ETS2: variants seen among roughly 807,000 people sequenced by gnomAD.
ETS2 encodes protein C-ets-2.
Under a neutral mutation model 54.9 loss-of-function variants are expected in ETS2, and 19 were observed. The ratio of observed to expected loss-of-function variants is 0.35; its 90% CI spans 0.24 to 0.51. The LOEUF (loss-of-function observed/expected upper bound fraction) is 0.51. Among genes scored for constraint, ETS2 ranks in the 20% least tolerant of loss-of-function variants. The pLI is 0.97. For synonymous variants in ETS2, 219 were observed against 229.3 expected, an observed-to-expected ratio of 0.95 and a Z score of 0.41; for missense variants, 417 against 593.0, an observed-to-expected ratio of 0.70 and a Z score of 3.08.
chr21:38,819,535 G>A lies in ETS2; in HGVS notation c.844G>A (p.Gly282Ser), dbSNP rs750752505. ...TPKDHDSPEN[G>S]ADSFESSDSL... ...CAAAGACCACGACTCCCCTGAGAAC[G>A]GTGCGGACAGCTTCGAGAGCTCAGA... Residue 282 changes from glycine to serine, a missense_variant, in exon 8 of 10, where the codon GGT (glycine) becomes AGT (serine). By Grantham distance (56) the Gly-to-Ser change is moderately conservative. Transcript: ENST00000360938. 3.5e-5 allele frequency: 56 copies of A among 1,614,068 alleles called. No homozygotes were observed. Among genetic ancestry groups the A allele is most frequent in the Non-Finnish European group, 4.6e-5 (54 of 1,180,034 alleles).
chr21:38,814,971 A>T lies in ETS2; in HGVS notation c.495A>T (p.Gln165His). ...ACATTCTCTGGGAACATCTGGAGCA[A>T]ATGATCAAAGGTACCAGCTGAACGT... ...VGDILWEHLE[Q>H]MIKENQEKTE... The change falls in exon 5 of 10, where the codon CAA becomes CAT. Residue 165 changes from glutamine (Q) to histidine (H), a missense_variant. This residue lies in a region of ETS2 where 326 missense variants were observed against 426.1 expected (regional missense o/e 0.76). Transcript: ENST00000360938. The surrounding 1 kb of genome is among the most constrained non-coding windows in gnomAD (Gnocchi z 4.2). The T allele has an allele frequency of 6.2e-7, 1 of 1,614,074 alleles. No homozygotes were observed. The highest frequency in any genetic ancestry group is 8.5e-7 in the Non-Finnish European group (1 of 1,179,954).
intron 6 of ETS2, among the ~76,000 whole-genome samples, chr21:38,817,527 C>T (rs922334764): frequency 3.9e-5 from 6 of 152,210 alleles, no homozygotes; most frequent in Non-Finnish European, 5.9e-5. Flanking sequence ...CCAGGCAATT[C>T]TTAGAGCAAG....
rs1331422908 is a variant in ETS2 at position 38,822,675 on chromosome 21, T to C, written c.1196T>C (p.Val399Ala). 6.2e-7 allele frequency: 1 copy of C among 1,612,786 alleles called. No homozygotes were observed. The highest frequency in any genetic ancestry group is 1.3e-5 in the African/African-American group (1 of 74,888). Residue 399 changes from valine (V) to alanine (A), a missense_variant and splice_region_variant, in exon 10 of 10, where the codon GTG (valine) becomes GCG (alanine). Val to Ala is a moderately conservative substitution (Grantham distance 64). Coordinates refer to ENST00000360938, the MANE Select transcript of ETS2 (RefSeq NM_005239.6). The stretch of plus-strand genomic sequence containing the variant: ...CTTTTCCATCCATGTTCACCAAAGG[T>C]GGCCCGCCGGTGGGGAAAGAGGAAA... ...WEFKLADPDE[V>A]ARRWGKRKNK...
upstream of ETS2, chr21:38,805,781 C>A: frequency 1.2e-6 from 1 of 819,330 alleles, no homozygotes; most frequent in Non-Finnish European, 1.6e-6. The surrounding 1 kb of genome is among the most constrained non-coding windows in gnomAD (Gnocchi z 5.2). Context: ...CTCCCTTCCC[C>A]TCCTCTTCTC....
chr21:38,806,910 G>C lies in ETS2; in HGVS notation c.-1+790G>C. On this transcript the variant is annotated intron_variant, in intron 1 of 9. Coordinates refer to ENST00000360938, the MANE Select transcript of ETS2 (RefSeq NM_005239.6). The surrounding 1 kb of genome is among the most constrained non-coding windows in gnomAD (Gnocchi z 4.3). ...TTATGTTAGCCTGTACACAATTTCA[G>C]GGTAGCCTAAAACAGTAGTTGACGC... 1.1e-6 allele frequency: 1 copy of C among 905,940 alleles called. No individual in the cohort carries two copies. The highest frequency in any genetic ancestry group is 1.3e-6 in the Non-Finnish European group (1 of 757,458). 56.1% of individuals were successfully genotyped at this position (905,940 alleles called of 1,614,324 possible). A position where few individuals can be genotyped will look rare whatever the true frequency, so the allele number is the denominator to read the frequency against.
At chr21:38,810,297 T>C (rs1429675688) in intron 2 of ETS2, among the ~76,000 whole-genome samples, 191 bp downstream of exon 2, 1 of 152,222 alleles carries the variant, frequency 6.6e-6, no homozygotes, top group Non-Finnish European at 1.5e-5. Context: ...GGTATCTTGA[T>C]GTGTGTTGTT....
chr21:38,805,908 G>T (rs1392873208), upstream of ETS2: 11 of 1,235,262 alleles, frequency 8.9e-6, no homozygotes, highest in East Asian at 4.2e-4. This position sits in a 1 kb window ranked among gnomAD's most constrained non-coding sequence, Gnocchi z 5.2. Flanking sequence ...CCTGAAGAGC[G>T]CGCCGCGTGG....
rs1442325176 is a variant in ETS2 at position 38,806,073 on chromosome 21, G to A, written c.-48G>A. 14 of 1,156,924 alleles carry A rather than the reference G, an allele frequency of 1.2e-5. No individual in the cohort carries two copies. The highest frequency in any genetic ancestry group is 3.8e-4 in the Middle Eastern group (1 of 2,610). 71.7% of individuals were successfully genotyped at this position (1,156,924 alleles called of 1,614,324 possible). ...CGCGCACCGAGCAGCCGCGGGCGCC[G>A]AGCAGCCACCGTCCCGACCAAGCGC... On this transcript the variant is annotated 5_prime_UTR_variant, in exon 1 of 10. Coordinates refer to ENST00000360938, the MANE Select transcript of ETS2 (RefSeq NM_005239.6). The surrounding 1 kb of genome is among the most constrained non-coding windows in gnomAD (Gnocchi z 4.3).
intron 1 of ETS2, among the ~76,000 whole-genome samples, chr21:38,808,696 T>G (rs1365171323): frequency 1.3e-5 from 2 of 151,926 alleles, no homozygotes; most frequent in Admixed American, 6.6e-5. Flanking sequence ...AACAAGAAAA[T>G]AAATGCAAAT....
intron 1 of ETS2, among the ~76,000 whole-genome samples, chr21:38,807,013 GATT>G (rs2060896159): frequency 6.6e-6 from 1 of 152,202 alleles, no homozygotes; most frequent in Non-Finnish European, 1.5e-5. Context: ...GCCAGTAAGA[GATT>G]ATATTTGTTC....
chr21:38,816,981 CT>C, intron 5 of ETS2, 26 bp from the exon 6 acceptor site: 1 of 1,352,066 alleles, frequency 7.4e-7, no homozygotes, highest in East Asian at 2.3e-5. Context: ...CATCTGCCAT[CT>C]TACGTCTCCT....
rs1418642059 is a variant in ETS2 at position 38,806,121 on chromosome 21, G to T, written c.-1+1G>T. 1.1e-5 allele frequency: 11 copies of T among 1,040,966 alleles called. No homozygotes were observed. The highest frequency in any genetic ancestry group is 1.3e-5 in the Non-Finnish European group (11 of 864,906). 64.5% of individuals were successfully genotyped at this position (1,040,966 alleles called of 1,614,324 possible). ...CGCCGGCCCTGCCCGCAGCGGCAGG[G>T]TAAGAGCTGGGCCCGCAGAGAGCGC... On this transcript the variant is annotated splice_donor_variant, in intron 1 of 9. Coordinates refer to ENST00000360938, the MANE Select transcript of ETS2 (RefSeq NM_005239.6). LOFTEE classifies it low-confidence loss of function (5UTR_SPLICE). The surrounding 1 kb of genome is among the most constrained non-coding windows in gnomAD (Gnocchi z 4.3).
chr21:38,813,133 T>C lies in ETS2; in HGVS notation c.184+19T>C, dbSNP rs781301147. ...TCTCATGGTAATTGGTTCCTCAGAC[T>C]TGACAAATTGTGCATGATTTTCCTA... On this transcript the variant is annotated intron_variant, in intron 3 of 9. Coordinates refer to ENST00000360938, the MANE Select transcript of ETS2 (RefSeq NM_005239.6). 1 of 1,471,038 alleles carries C rather than the reference T, an allele frequency of 6.8e-7. No homozygotes were observed. The highest frequency in any genetic ancestry group is 1.1e-5 in the South Asian group (1 of 88,314). 91.1% of individuals were successfully genotyped at this position (1,471,038 alleles called of 1,614,324 possible).
At chr21:38,805,441 G>T, upstream of ETS2, 1 of 1,288,524 alleles carries the variant, frequency 7.8e-7, no homozygotes, top group Non-Finnish European at 1.0e-6. The surrounding 1 kb of genome is among the most constrained non-coding windows in gnomAD (Gnocchi z 5.2). Flanking sequence ...AATTCCAAAG[G>T]CAGGTTTGGC....
chr21:38,819,087 T>TC (rs34873733), intron 7 of ETS2, among the ~76,000 whole-genome samples: 1 of 152,094 alleles, frequency 6.6e-6, no homozygotes, highest in Non-Finnish European at 1.5e-5. Context: ...ATCAATAATG[T>TC]CCCCCCGACA....
chr21:38,818,458 A>G lies in ETS2; in HGVS notation c.623A>G (p.Gln208Arg). 1 of 1,614,214 alleles carries G rather than the reference A, an allele frequency of 6.2e-7. No homozygotes were observed. The highest frequency in any genetic ancestry group is 1.7e-5 in the Admixed American group (1 of 60,024). Residue 208 changes from glutamine (Q) to arginine (R), a missense_variant, in exon 7 of 10, where the codon CAG becomes CGG. By Grantham distance (43) the Gln-to-Arg change is conservative. Transcript: ENST00000360938. ...FGTEQAPYGM[Q>R]TQNYPKGGLL... is the part of the protein sequence containing the mutation. ...ACAGAGCAGGCGCCCTATGGAATGC[A>G]GACACAGAATTACCCCAAAGGCGGC...
At chr21:38,809,502 C>G (rs1256642973) in intron 1 of ETS2, 1 of 152,640 alleles carries the variant, frequency 6.6e-6, no homozygotes, top group Non-Finnish European at 1.5e-5. Flanking sequence ...TGGGTGTGTG[C>G]TTTCTTACAG....
rs1056904452 is a variant in ETS2, at chr21:38,806,014, A to G, written c.-107A>G. The G allele has an allele frequency of 2.1e-5, 27 of 1,260,666 alleles. No homozygotes were observed. Among genetic ancestry groups the G allele is most frequent in the Non-Finnish European group, 2.7e-5 (26 of 977,964 alleles). 78.1% of individuals were successfully genotyped at this position (1,260,666 alleles called of 1,614,324 possible). A position where few individuals can be genotyped will look rare whatever the true frequency, so the allele number is the denominator to read the frequency against. On this transcript the variant is annotated 5_prime_UTR_variant, in exon 1 of 10. Coordinates refer to ENST00000360938, the MANE Select transcript of ETS2 (RefSeq NM_005239.6). The surrounding 1 kb of genome is among the most constrained non-coding windows in gnomAD (Gnocchi z 4.3). ...GCCCGGCCAGCGTCCGGCCTCCCTG[A>G]TCGTCTCTGGCCGGCGCCCTCGCCC...
At position 38,814,638 on chromosome 21, in the gene ETS2, G is replaced by A; in HGVS notation, c.305-143G>A. ...AATGTGCCTGGGTCGTGTCAGAATG[G>A]TGACGTGTCATCATGGTATCTTGCT... is the stretch of plus-strand genomic sequence containing the variant. On this transcript the variant is annotated intron_variant, in intron 4 of 9. Coordinates refer to ENST00000360938, the MANE Select transcript of ETS2 (RefSeq NM_005239.6). This position sits in a 1 kb window ranked among gnomAD's most constrained non-coding sequence, Gnocchi z 4.2. 2.5e-6 allele frequency: 2 copies of A among 807,928 alleles called. No homozygotes were observed. The highest frequency in any genetic ancestry group is 4.0e-6 in the Non-Finnish European group (2 of 504,870). 50.0% of individuals were successfully genotyped at this position (807,928 alleles called of 1,614,324 possible).
Sources: allele counts gnomAD v4.1 joint callset (sites outside exome capture counted in the v4.1 genomes callset), GRCh38; gene constraint gnomAD v4.1.1; regional missense constraint gnomAD v4.1.1; non-coding constraint Gnocchi (gnomAD v3.1); transcripts MANE v1.5; gene names NCBI Gene and HGNC (gene_info 2026-07-23, HGNC 2026-07-21).